The following LDLRAD3 variants were observed in gnomAD, a reference collection of about 807,000 sequenced individuals.
LDLRAD3 encodes low-density lipoprotein receptor class A domain-containing protein 3.
Under a neutral mutation model 29.4 loss-of-function variants are expected in LDLRAD3, and 20 were observed. That is an observed-to-expected ratio of 0.68 (90% CI 0.48 to 0.99). LDLRAD3 has a LOEUF of 0.99. Among genes scored for constraint, LDLRAD3 ranks in the 50% least tolerant of loss-of-function variants. The pLI, the probability that LDLRAD3 is intolerant of heterozygous loss-of-function variation, is 0.00. For synonymous variants in LDLRAD3, 157 were observed against 192.7 expected (o/e 0.81, Z 1.53); for missense variants, 420 against 454.3 (o/e 0.92, Z 0.69).
rs927123830 is a variant in LDLRAD3, at chr11:36,200,342, G to GAT, written c.455-26743_455-26742insAT. Among the ~76,000 whole-genome samples, 7 of 152,206 alleles carry GAT rather than the reference G, an allele frequency of 4.6e-5. 1 individual carries two copies. Among genetic ancestry groups the GAT allele is most frequent in the Admixed American group, 3.3e-4 (5 of 15,290 alleles). ...GGCGTCCTCCTCAGCACGCACTCCG[G>GAT]TGTTCCCTCTTCACTGGGGCGCTAA... is the stretch of plus-strand genomic sequence containing the variant. On this transcript the variant is annotated intron_variant, in intron 4 of 5. Transcript: ENST00000315571.
chr11:36,035,327 C>T (rs1323807956), intron 1 of LDLRAD3, among the ~76,000 whole-genome samples: 1 of 152,132 alleles, frequency 6.6e-6, no homozygotes, highest in Non-Finnish European at 1.5e-5. Context: ...GGTAGATGAA[C>T]TCAGCACCCT....
chr11:36,186,917 T>G (rs746180732), intron 4 of LDLRAD3, among the ~76,000 whole-genome samples: 39 of 152,226 alleles, frequency 2.6e-4, no homozygotes, highest in Non-Finnish European at 7.3e-5. Flanking sequence ...AAATGAGTTA[T>G]TCCTCCCCTT....
intron 4 of LDLRAD3, among the ~76,000 whole-genome samples, chr11:36,098,872 C>A (rs960166711): frequency 6.6e-6 from 1 of 152,158 alleles, no homozygotes; most frequent in Non-Finnish European, 1.5e-5. Flanking sequence ...TGTTACACCT[C>A]AGCATGCAGC....
chr11:36,014,757 C>T (rs1261766212), intron 1 of LDLRAD3, among the ~76,000 whole-genome samples: 1 of 152,208 alleles, frequency 6.6e-6, no homozygotes, highest in Non-Finnish European at 1.5e-5. Context: ...CAGAAATCAG[C>T]ATTCAGTTGT....
chr11:35,946,354 C>CTG (rs1554950251), intron 1 of LDLRAD3, among the ~76,000 whole-genome samples: 1 of 152,156 alleles, frequency 6.6e-6, no homozygotes, highest in African/African-American at 2.4e-5. Flanking sequence ...CAAGGTTGAA[C>CTG]CGTAGTTAGA....
chr11:36,158,425 C>T (rs567629455), intron 4 of LDLRAD3, among the ~76,000 whole-genome samples: 1 of 152,190 alleles, frequency 6.6e-6, no homozygotes, highest in African/African-American at 2.4e-5. Context: ...TCAGGTGCCA[C>T]CCTCTCAAGG....
intron 1 of LDLRAD3, among the ~76,000 whole-genome samples, chr11:35,950,854 T>C (rs145394982): frequency 2.6e-5 from 4 of 151,992 alleles, no homozygotes; most frequent in Admixed American, 6.6e-5. Flanking sequence ...GGGGCCGAGG[T>C]GGGCGGATCA....
chr11:36,005,398 A>G (rs1053770469), intron 1 of LDLRAD3, among the ~76,000 whole-genome samples: 1 of 152,248 alleles, frequency 6.6e-6, no homozygotes, highest in African/African-American at 2.4e-5. Flanking sequence ...TCTCTTTGCT[A>G]AAGCATAGCA....
chr11:36,095,151 A>G (rs1169568614), intron 3 of LDLRAD3, among the ~76,000 whole-genome samples: 2 of 152,248 alleles, frequency 1.3e-5, no homozygotes, highest in Admixed American at 6.5e-5. Context: ...ACACCACTGC[A>G]CTGCAGTCGG....
At position 36,155,224 on chromosome 11, in the gene LDLRAD3, C is replaced by T. The variant is rs116537855; in HGVS notation, c.454+56763C>T. ...GATGCTGTTAACAACCCACAGATCACGCTGTCAAGTATTTTCTTTCTTCAG... is the reference window on the plus strand; with the variant it reads ...GATGCTGTTAACAACCCACAGATCATGCTGTCAAGTATTTTCTTTCTTCAG... On this transcript the variant is annotated intron_variant, in intron 4 of 5. Transcript: ENST00000315571. Among the ~76,000 whole-genome samples, 1,019 of 152,308 alleles carry T rather than the reference C, an allele frequency of 6.7e-3. 8 individuals are homozygous for T. The highest frequency in any genetic ancestry group is 0.022 in the African/African-American group (924 of 41,560).
At position 36,177,522 on chromosome 11, in the gene LDLRAD3, G is replaced by T. The variant is rs143470294; in HGVS notation, c.455-49563G>T. On this transcript the variant is annotated intron_variant, in intron 4 of 5. Transcript: ENST00000315571. The stretch of plus-strand genomic sequence containing the variant: ...TCCCACAGGGTGGTCCCTTGATGTG[G>T]TGCTCTCCCTCTTCCCCTAGGGATG... Among the ~76,000 whole-genome samples, 71 of 152,302 alleles carry T rather than the reference G, an allele frequency of 4.7e-4. No individual in the cohort carries two copies. In the East Asian group the frequency reaches 0.012, roughly 25 times the overall value.
chr11:35,980,875 A>G (rs892578973), intron 1 of LDLRAD3, among the ~76,000 whole-genome samples: 1 of 152,184 alleles, frequency 6.6e-6, no homozygotes, highest in Non-Finnish European at 1.5e-5. Flanking sequence ...TGTTTAGGAA[A>G]AAGGATAATT....
intron 1 of LDLRAD3, among the ~76,000 whole-genome samples, chr11:35,991,814 A>T (rs929791251): frequency 6.6e-6 from 1 of 151,910 alleles, no homozygotes; most frequent in Non-Finnish European, 1.5e-5. Context: ...TTCGATAGCT[A>T]CAATTGTAGG....
At chr11:36,055,471 C>T (rs957021188) in intron 2 of LDLRAD3, among the ~76,000 whole-genome samples, 36 of 152,140 alleles carry the variant, frequency 2.4e-4, no homozygotes, top group Non-Finnish European at 8.8e-5. Context: ...CTTTCATGTT[C>T]AGAAACAGAG....
chr11:35,984,623 A>G (rs183767717), intron 1 of LDLRAD3, among the ~76,000 whole-genome samples: 1 of 152,064 alleles, frequency 6.6e-6, no homozygotes, highest in East Asian at 1.9e-4. Flanking sequence ...TTTAAACTTC[A>G]TTGTTCTTTT....
chr11:35,995,811 T>C (rs1208968199), intron 1 of LDLRAD3, among the ~76,000 whole-genome samples: 1 of 152,258 alleles, frequency 6.6e-6, no homozygotes, highest in Non-Finnish European at 1.5e-5. Flanking sequence ...GATGGCTGCC[T>C]TCCACAAACC....
At chr11:35,965,803 C>T (rs1004679865) in intron 1 of LDLRAD3, among the ~76,000 whole-genome samples, 9 of 152,048 alleles carry the variant, frequency 5.9e-5, no homozygotes, top group African/African-American at 9.6e-5. Context: ...TTAAAAAATT[C>T]GCTTTTTAAA....
At chr11:36,059,045 C>T (rs1852661750) in intron 2 of LDLRAD3, among the ~76,000 whole-genome samples, 1 of 152,150 alleles carries the variant, frequency 6.6e-6, no homozygotes, top group Admixed American at 6.5e-5. Flanking sequence ...GAGCATTTCT[C>T]ACAGGGCAGC....
intron 4 of LDLRAD3, among the ~76,000 whole-genome samples, chr11:36,184,341 A>G (rs76524710): frequency 2.1e-3 from 317 of 152,270 alleles, no homozygotes; most frequent in African/African-American, 7.3e-3. Context: ...TTAATAATTT[A>G]CTAATATGTT....
Sources: gnomAD v4.1 joint callset for allele counts (sites outside exome capture counted in the v4.1 genomes callset) on GRCh38, gnomAD v4.1.1 for gene constraint, MANE v1.5 for transcripts, NCBI Gene and HGNC (gene_info 2026-07-23, HGNC 2026-07-21) for gene names.